Variants in GGA2 observed in about 807,000 individuals in gnomAD.
GGA2 encodes the protein golgi associated, gamma adaptin ear containing, ARF binding protein 2.
GGA2 carries 48 observed loss-of-function variants against 79.5 expected under a neutral mutation model. The ratio of observed to expected loss-of-function variants is 0.60; its 90% CI spans 0.48 to 0.77. The LOEUF is 0.77. GGA2 is among the 30% of genes least tolerant of loss of function. The pLI is 0.00. For missense variants in GGA2, 770 were observed against 774.0 expected, an observed-to-expected ratio of 0.99 and a Z score of 0.06; for synonymous variants, 317 against 302.0, an observed-to-expected ratio of 1.05 and a Z score of -0.51.
At chr16:23,509,988 A>G (rs1596998195) in intron 1 of GGA2, among the ~76,000 whole-genome samples, 2 of 151,020 alleles carry the variant, frequency 1.3e-5, no homozygotes, top group African/African-American at 4.9e-5. Context: ...ATTAAGCAGG[A>G]CTAAGCCGCT....
At chr16:23,491,368 GATAA>G (rs1964784637) in intron 5 of GGA2, among the ~76,000 whole-genome samples, 1 of 126,498 alleles carries the variant, frequency 7.9e-6, no homozygotes, top group Non-Finnish European at 1.7e-5. Flanking sequence ...TCTTTTAAAA[GATAA>G]ATAAGTGCTT....
chr16:23,519,586 C>T lies in GGA2; in HGVS notation c.61+1G>A. On this transcript the variant is annotated splice_donor_variant, in intron 2 of 5. Transcript: ENST00000569300. LOFTEE classifies it high-confidence loss of function. The stretch of plus-strand genomic sequence containing the variant: ...GATGTAGGAGAAGAGAGATGATTTA[C>T]CTTCAGGGCTAGGGCAGCTGTTGGC... 2.4e-6 allele frequency: 1 copy of T among 414,802 alleles called. No homozygotes were observed. The highest frequency in any genetic ancestry group is 4.8e-6 in the Non-Finnish European group (1 of 207,968). The allele number at this position is 414,802 out of a possible 1,614,324, so 25.7% of individuals were successfully genotyped here.
chr16:23,473,407 G>C (rs539425597), intron 14 of GGA2, among the ~76,000 whole-genome samples: 11 of 122,438 alleles, frequency 9.0e-5, no homozygotes, highest in African/African-American at 3.3e-4. Flanking sequence ...CACGATCTCA[G>C]CTCACTGCAA....
intron 1 of GGA2, among the ~76,000 whole-genome samples, chr16:23,504,081 C>G (rs1011213936): frequency 9.1e-6 from 1 of 109,418 alleles, no homozygotes; most frequent in African/African-American, 3.4e-5. Context: ...AACTCCGTCT[C>G]AAAAAAAAAA....
At chr16:23,508,988 C>T (rs1965006023) in intron 1 of GGA2, among the ~76,000 whole-genome samples, 2 of 151,992 alleles carry the variant, frequency 1.3e-5, no homozygotes, top group African/African-American at 4.8e-5. Flanking sequence ...CTCATTGCTT[C>T]TCCCTCTCCC....
Position 23,500,996 on chromosome 16 carries a change from G to A in GGA2, c.92-5218C>T, listed in dbSNP as rs1194069187. On this transcript the variant is annotated intron_variant, in intron 1 of 16. Coordinates refer to ENST00000309859, the MANE Select transcript of GGA2 (RefSeq NM_015044.4). Reference sequence around the variant, plus strand: ...TGCTAGATAACAGAACAGTCAGCCAGCCTGATCTTTGACACACATTAGAAA... The same window carrying A: ...TGCTAGATAACAGAACAGTCAGCCAACCTGATCTTTGACACACATTAGAAA... 9.1e-6 allele frequency: 3 copies of A among 328,816 alleles called. No individual in the cohort carries two copies. The East Asian group carries it at 2.4e-4, about 26-fold the overall frequency. The allele number at this position is 328,816 out of a possible 1,614,324, so 20.4% of individuals were successfully genotyped here. A position where few individuals can be genotyped will look rare whatever the true frequency, so the allele number is the denominator to read the frequency against.
intron 5 of GGA2, among the ~76,000 whole-genome samples, chr16:23,489,816 A>G (rs899637875): frequency 9.9e-5 from 15 of 152,218 alleles, no homozygotes; most frequent in Non-Finnish European, 5.9e-5. Flanking sequence ...GAGAAGAGTA[A>G]CAAACCCTGC....
chr16:23,493,544 T>C, intron 3 of GGA2, 86 bp from the exon 4 acceptor site: 1 of 874,900 alleles, frequency 1.1e-6, no homozygotes, highest in Non-Finnish European at 1.9e-6. Context: ...TGCTGGAGAC[T>C]GCGCTGGAAC....
chr16:23,486,479 T>C (rs182636460), intron 7 of GGA2, among the ~76,000 whole-genome samples: 1 of 152,286 alleles, frequency 6.6e-6, no homozygotes, highest in African/African-American at 2.4e-5. Context: ...AGGAAATGCT[T>C]TGAGCAGCAT....
chr16:23,491,876 T>C (rs1964793219), intron 4 of GGA2, 76 bp from the exon 5 acceptor site: 1 of 1,016,760 alleles, frequency 9.8e-7, no homozygotes, highest in East Asian at 2.5e-5. Flanking sequence ...AAGAGGTAGC[T>C]GCTGAGGCCC....
intron 10 of GGA2, 191 bp downstream of exon 10, chr16:23,480,454 G>C: frequency 1.9e-6 from 1 of 531,770 alleles, no homozygotes; most frequent in South Asian, 2.9e-5. Flanking sequence ...CTGGGGTCCA[G>C]CCCGGCAACC....
chr16:23,504,870 G>A (rs190723346), intron 1 of GGA2, among the ~76,000 whole-genome samples: 7 of 152,288 alleles, frequency 4.6e-5, no homozygotes, highest in East Asian at 1.9e-4. Flanking sequence ...CATTTCAAGC[G>A]TGCTACAGGG....
At position 23,479,896 on chromosome 16, in the gene GGA2, C is replaced by A. The variant is rs777285762; in HGVS notation, c.1007-9G>T. The A allele has an allele frequency of 9.9e-6, 16 of 1,613,610 alleles. No homozygotes were observed. In the East Asian group the frequency reaches 3.3e-4, roughly 34 times the overall value. The stretch of plus-strand genomic sequence containing the variant: ...TGCTGGATTCTGAAAGACTAGAAAG[C>A]CCAGGGTTAGGAAGAGAAGTCAGTT... On this transcript the variant is annotated splice_polypyrimidine_tract_variant and intron_variant, in intron 10 of 16. Coordinates refer to ENST00000309859, the MANE Select transcript of GGA2 (RefSeq NM_015044.4).
chr16:23,471,871 C>T (rs1470860642), intron 14 of GGA2, among the ~76,000 whole-genome samples: 3 of 151,858 alleles, frequency 2.0e-5, no homozygotes, highest in African/African-American at 4.8e-5. Flanking sequence ...ACTGTGCCAC[C>T]GCACTCCTGC....
intron 5 of GGA2, among the ~76,000 whole-genome samples, chr16:23,488,942 A>T (rs1026707164): frequency 3.3e-5 from 5 of 152,192 alleles, no homozygotes; most frequent in African/African-American, 1.2e-4. Context: ...GAGAAGAGCC[A>T]GTCCTGAAGG....
At chr16:23,481,367 C>T (rs1964645999) in intron 9 of GGA2, among the ~76,000 whole-genome samples, 1 of 152,074 alleles carries the variant, frequency 6.6e-6, no homozygotes, top group African/African-American at 2.4e-5. Context: ...GAGCGAAACT[C>T]CATCTCAAGA....
rs1027379638 is a variant in GGA2, at chr16:23,466,513, A to G, written c.*1077T>C. On this transcript the variant is annotated 3_prime_UTR_variant, in exon 17 of 17. Transcript: ENST00000309859. ...TGAAGTTTCCTTTACTTCTCGACAG[A>G]AGACAGTTCCCTTTAGGCCTATCAT... is the stretch of plus-strand genomic sequence containing the variant. 6.6e-6 allele frequency: 1 copy of G among 152,192 alleles called. No homozygotes were observed. The highest frequency in any genetic ancestry group is 1.5e-5 in the Non-Finnish European group (1 of 68,028). 9.4% of individuals were successfully genotyped at this position (152,192 alleles called of 1,614,324 possible). A position where few individuals can be genotyped will look rare whatever the true frequency, so the allele number is the denominator to read the frequency against.
At chr16:23,470,825 C>CTTTTT (rs36067397) in intron 14 of GGA2, among the ~76,000 whole-genome samples, 1 of 56,106 alleles carries the variant, frequency 1.8e-5, no homozygotes, top group African/African-American at 7.5e-5. Context: ...GAAATAAATG[C>CTTTTT]TTTTTTTTTT....
intron 1 of GGA2, chr16:23,501,389 G>A (rs1964920070): frequency 2.2e-6 from 1 of 449,416 alleles, no homozygotes; most frequent in South Asian, 1.6e-5. Flanking sequence ...CATTGCAGTT[G>A]AGAACATGAG....
Sources: allele counts gnomAD v4.1 joint callset (sites outside exome capture counted in the v4.1 genomes callset), GRCh38; gene constraint gnomAD v4.1.1; transcripts MANE v1.5; gene names NCBI Gene and HGNC (gene_info 2026-07-23, HGNC 2026-07-21).